PTPRG: variants seen among roughly 807,000 people sequenced by gnomAD.
The protein encoded by PTPRG is receptor-type tyrosine-protein phosphatase gamma.
A neutral mutation model predicts 165.3 loss-of-function variants in PTPRG; 102 were observed. That is an observed-to-expected ratio of 0.62 (90% CI 0.53 to 0.73). PTPRG has a LOEUF of 0.73. Among genes scored for constraint, PTPRG ranks in the 30% least tolerant of loss-of-function variants. The pLI is 0.00. For missense variants in PTPRG, 1,866 were observed against 1,861.4 expected (o/e 1.00, Z -0.05); for synonymous variants, 675 against 669.5 (o/e 1.01, Z -0.13).
chr3:62,188,033 A>G (rs933957208), intron 8 of PTPRG, among the ~76,000 whole-genome samples: 2 of 152,168 alleles, frequency 1.3e-5, no homozygotes, highest in African/African-American at 4.8e-5. Context: ...AGCTCTACTT[A>G]TTGACGAGGA....
At chr3:61,889,353 C>G (rs2038142409) in intron 2 of PTPRG, among the ~76,000 whole-genome samples, 1 of 152,122 alleles carries the variant, frequency 6.6e-6, no homozygotes, top group South Asian at 2.1e-4. Context: ...TAATATATTA[C>G]TATTGTTATT....
chr3:62,282,632 A>T, intron 27 of PTPRG, 95 bp from the exon 28 acceptor site: 2 of 1,304,796 alleles, frequency 1.5e-6, no homozygotes, highest in East Asian at 2.5e-5. Context: ...AGAGTTACCT[A>T]TAACACATGG....
chr3:62,231,430 C>A, intron 14 of PTPRG, 119 bp downstream of exon 14: 1 of 614,494 alleles, frequency 1.6e-6, no homozygotes, highest in Non-Finnish European at 2.5e-6. Flanking sequence ...TGAAACTCAC[C>A]TGCTTTACCT....
At chr3:61,590,515 C>T (rs1447395808) in intron 1 of PTPRG, among the ~76,000 whole-genome samples, 1 of 151,684 alleles carries the variant, frequency 6.6e-6, no homozygotes, top group East Asian at 1.9e-4. Flanking sequence ...CAGAGCAAGA[C>T]TCCATCTCAA....
At chr3:62,004,982 A>G (rs1352660192) in intron 4 of PTPRG, among the ~76,000 whole-genome samples, 3 of 152,168 alleles carry the variant, frequency 2.0e-5, no homozygotes, top group African/African-American at 4.8e-5. Context: ...TGAACCCTCT[A>G]AGTATCCTGG....
intron 5 of PTPRG, among the ~76,000 whole-genome samples, chr3:62,097,502 TG>T (rs1336706902): frequency 1.3e-5 from 2 of 150,228 alleles, no homozygotes; most frequent in East Asian, 4.0e-4. Context: ...ACGCGATTGG[TG>T]GTGGGGGGCA....
intron 6 of PTPRG, among the ~76,000 whole-genome samples, chr3:62,148,310 C>T (rs1283677990): frequency 6.6e-6 from 1 of 151,980 alleles, no homozygotes; most frequent in Non-Finnish European, 1.5e-5. Context: ...GGTAGGTGGT[C>T]AGCAAGGGAG....
At chr3:62,030,259 C>T (rs1699721746) in intron 4 of PTPRG, among the ~76,000 whole-genome samples, 1 of 150,914 alleles carries the variant, frequency 6.6e-6, no homozygotes, top group Non-Finnish European at 1.5e-5. Context: ...AATGTTGACA[C>T]ATTACTCCCC....
At chr3:62,114,879 A>G (rs72624885) in intron 5 of PTPRG, among the ~76,000 whole-genome samples, 54,667 of 151,986 alleles carry the variant, frequency 0.36, 10,587 homozygotes, top group East Asian at 0.64. Context: ...GCCTCAAGCA[A>G]TCCTCCCATC....
At chr3:61,834,646 C>G (rs1028220986) in intron 2 of PTPRG, among the ~76,000 whole-genome samples, 1 of 152,166 alleles carries the variant, frequency 6.6e-6, no homozygotes, top group Non-Finnish European at 1.5e-5. Flanking sequence ...AACACTGTCT[C>G]TACTAAAAAT....
chr3:62,133,557 A>G (rs1194124257), intron 6 of PTPRG, among the ~76,000 whole-genome samples: 2 of 152,210 alleles, frequency 1.3e-5, no homozygotes, highest in East Asian at 1.9e-4. Flanking sequence ...TCAGGGGTCA[A>G]TTGGAGCAAG....
chr3:61,590,754 CTTGA>C (rs1700549836), intron 1 of PTPRG, among the ~76,000 whole-genome samples: 1 of 152,004 alleles, frequency 6.6e-6, no homozygotes, highest in Non-Finnish European at 1.5e-5. Flanking sequence ...TTAAAAAATA[CTTGA>C]TTGTTGACCC....
intron 2 of PTPRG, among the ~76,000 whole-genome samples, chr3:61,763,254 T>C (rs998820464): frequency 6.6e-6 from 1 of 152,004 alleles, no homozygotes; most frequent in Non-Finnish European, 1.5e-5. Flanking sequence ...GTTTTTTTTT[T>C]TGAGACGGAG....
chr3:61,969,266 A>T (rs1358688727), intron 2 of PTPRG, among the ~76,000 whole-genome samples: 3 of 152,280 alleles, frequency 2.0e-5, no homozygotes, highest in Admixed American at 6.5e-5. Context: ...CTTGTCCCTC[A>T]ACAATGTTCC....
rs113202659 is a variant in PTPRG, at chr3:62,178,220, T to G, written c.1033+10057T>G. 8.3e-3 allele frequency among the ~76,000 whole-genome samples: 1,265 copies of G among 151,694 alleles called. 15 individuals are homozygous for G. Among genetic ancestry groups the G allele is most frequent in the African/African-American group, 0.029 (1,194 of 41,292 alleles). On this transcript the variant is annotated intron_variant, in intron 8 of 29. Transcript: ENST00000474889. ...ATCCATGGATGGATGGGAGGATGGA[T>G]GGATGCATGGATAAATGCATGGATC...
intron 2 of PTPRG, among the ~76,000 whole-genome samples, chr3:61,777,652 A>T (rs1191996842): frequency 6.6e-6 from 1 of 152,214 alleles, no homozygotes; most frequent in Non-Finnish European, 1.5e-5. Flanking sequence ...GATCATTTTC[A>T]GCCAAAACCG....
intron 3 of PTPRG, among the ~76,000 whole-genome samples, chr3:62,002,937 C>T (rs1485066399): frequency 6.6e-6 from 1 of 152,172 alleles, no homozygotes. Flanking sequence ...TATATTTCCT[C>T]TCTTGTTCCA....
chr3:61,706,932 A>G (rs189400658), intron 1 of PTPRG, among the ~76,000 whole-genome samples: 3 of 152,168 alleles, frequency 2.0e-5, no homozygotes, highest in Admixed American at 2.0e-4. Context: ...TGTGAATTTT[A>G]TACATTTACT....
intron 3 of PTPRG, among the ~76,000 whole-genome samples, chr3:61,997,616 C>T (rs1035015051): frequency 6.6e-6 from 1 of 152,196 alleles, no homozygotes; most frequent in Non-Finnish European, 1.5e-5. Context: ...GGTGCTACCC[C>T]TTGTCCCACT....
Sources: allele counts gnomAD v4.1 joint callset (sites outside exome capture counted in the v4.1 genomes callset), GRCh38; gene constraint gnomAD v4.1.1; transcripts MANE v1.5; gene names NCBI Gene and HGNC (gene_info 2026-07-23, HGNC 2026-07-21).